Variants in SHROOM3 observed in about 807,000 individuals in gnomAD.
The protein encoded by SHROOM3 is protein Shroom3.
In SHROOM3, 47 loss-of-function variants were observed where a neutral mutation model predicts 138.6. That is an observed-to-expected ratio of 0.34 (90% CI 0.27 to 0.43). The LOEUF (loss-of-function observed/expected upper bound fraction) is 0.43, where lower values mean the gene tolerates loss of function less well. Among genes scored for constraint, SHROOM3 ranks in the 20% least tolerant of loss-of-function variants. SHROOM3 has a pLI of 1.00. For synonymous variants in SHROOM3, 1,062 were observed against 1,063.3 expected (o/e 1.00, Z 0.02); for missense variants, 2,491 against 2,596.5 (o/e 0.96, Z 0.88).
intron 1 of SHROOM3, among the ~76,000 whole-genome samples, chr4:76,547,646 A>G (rs1733251567): frequency 6.6e-6 from 1 of 152,092 alleles, no homozygotes; most frequent in African/African-American, 2.4e-5. Context: ...AATAGAGTTC[A>G]TGGCCAGGCG....
chr4:76,589,469 T>TTAAA (rs777136602), intron 2 of SHROOM3, among the ~76,000 whole-genome samples: 2 of 135,604 alleles, frequency 1.5e-5, no homozygotes, highest in African/African-American at 2.7e-5. Flanking sequence ...CTCTGTCTCA[T>TTAAA]AAAAAAAAAA....
intron 1 of SHROOM3, among the ~76,000 whole-genome samples, chr4:76,458,010 GTCTCAAT>G (rs1454580413): frequency 3.6e-4 from 54 of 151,964 alleles, no homozygotes; most frequent in Admixed American, 3.5e-3. Flanking sequence ...AGCCAGGATG[GTCTCAAT>G]CTCCTGACCT....
intron 3 of SHROOM3, among the ~76,000 whole-genome samples, chr4:76,715,658 G>A (rs968827741): frequency 3.3e-5 from 5 of 152,058 alleles, no homozygotes; most frequent in African/African-American, 9.7e-5. Context: ...TGGGGATCTC[G>A]GATCACCATG....
chr4:76,507,078 T>C (rs1183256368), intron 1 of SHROOM3, among the ~76,000 whole-genome samples: 2 of 152,068 alleles, frequency 1.3e-5, no homozygotes, highest in Admixed American at 1.3e-4. Flanking sequence ...AAAGAAAAAA[T>C]TTATAATGAA....
At position 76,639,610 on chromosome 4, in the gene SHROOM3, T is replaced by C. The variant is rs1334318815; in HGVS notation, c.324-70546T>C. 7.5e-6 allele frequency: 3 copies of C among 398,234 alleles called. No homozygotes were observed. In the East Asian group the frequency reaches 1.1e-4, roughly 14 times the overall value. 24.7% of individuals were successfully genotyped at this position (398,234 alleles called of 1,614,324 possible). A position where few individuals can be genotyped will look rare whatever the true frequency, so the allele number is the denominator to read the frequency against. On this transcript the variant is annotated intron_variant, in intron 2 of 10. Coordinates refer to ENST00000296043, the MANE Select transcript of SHROOM3 (RefSeq NM_020859.4). ...GCCTGGCTCTGATGCTTCCCAGACT[T>C]GGGACCCAAAACTCAAGAAGACAAC...
chr4:76,674,074 A>G (rs1009129787), intron 2 of SHROOM3, among the ~76,000 whole-genome samples: 2 of 151,694 alleles, frequency 1.3e-5, no homozygotes, highest in Non-Finnish European at 2.9e-5. Context: ...GGGTCTTGCT[A>G]TGTTGACCAG....
chr4:76,720,121 T>C (rs1288511041), intron 3 of SHROOM3, among the ~76,000 whole-genome samples: 1 of 151,208 alleles, frequency 6.6e-6, no homozygotes, highest in African/African-American at 2.4e-5. Flanking sequence ...ATGAGGGAAT[T>C]ATGAAAAGCC....
At chr4:76,596,624 A>ACT (rs1553926773) in intron 2 of SHROOM3, among the ~76,000 whole-genome samples, 131 of 141,600 alleles carry the variant, frequency 9.3e-4, no homozygotes, top group African/African-American at 3.0e-3. Context: ...ACACACACAC[A>ACT]CTCTCCAACA....
chr4:76,762,879 A>G (rs549775567), intron 9 of SHROOM3, among the ~76,000 whole-genome samples: 1 of 152,278 alleles, frequency 6.6e-6, no homozygotes, highest in Non-Finnish European at 1.5e-5. Context: ...GACTCAAGAG[A>G]GTAGAGTCAG....
intron 2 of SHROOM3, among the ~76,000 whole-genome samples, chr4:76,563,334 G>C (rs894530497): frequency 1.3e-5 from 2 of 152,164 alleles, no homozygotes; most frequent in Non-Finnish European, 2.9e-5. Context: ...TCTGCTAAGA[G>C]GAAATGTGGC....
chr4:76,676,805 T>G (rs1577967997), intron 2 of SHROOM3, among the ~76,000 whole-genome samples: 1 of 151,910 alleles, frequency 6.6e-6, no homozygotes, highest in Non-Finnish European at 1.5e-5. Flanking sequence ...TAGCCGGACA[T>G]GATGGCCGGC....
At chr4:76,440,068 T>TC (rs1463676253) in intron 1 of SHROOM3, among the ~76,000 whole-genome samples, 3 of 152,164 alleles carry the variant, frequency 2.0e-5, no homozygotes, top group African/African-American at 7.2e-5. Flanking sequence ...GAAAAGCAGT[T>TC]CCACCTGCAG....
intron 1 of SHROOM3, among the ~76,000 whole-genome samples, chr4:76,524,148 A>C (rs937459759): frequency 6.6e-6 from 1 of 152,112 alleles, no homozygotes; most frequent in African/African-American, 2.4e-5. Context: ...GTTTGTTTTT[A>C]TAAGAAGAGA....
At chr4:76,746,317 ATG>A (rs1721432704) in intron 5 of SHROOM3, among the ~76,000 whole-genome samples, 1 of 152,250 alleles carries the variant, frequency 6.6e-6, no homozygotes, top group Non-Finnish European at 1.5e-5. Context: ...TGGACCACAT[ATG>A]TGACAGTGGT....
At chr4:76,691,578 T>C (rs1445594291) in intron 2 of SHROOM3, among the ~76,000 whole-genome samples, 4 of 152,218 alleles carry the variant, frequency 2.6e-5, no homozygotes, top group African/African-American at 9.6e-5. Context: ...ATGATTTAAC[T>C]GCTTTCTGGG....
intron 3 of SHROOM3, chr4:76,716,139 C>T (rs1720366570): frequency 3.0e-6 from 1 of 337,118 alleles, no homozygotes; most frequent in Non-Finnish European, 5.9e-6. Context: ...ACCTTCTCTT[C>T]TTCCCTCTTA....
intron 1 of SHROOM3, among the ~76,000 whole-genome samples, chr4:76,466,080 C>G (rs1330210643): frequency 1.3e-5 from 2 of 152,164 alleles, no homozygotes; most frequent in Non-Finnish European, 2.9e-5. Flanking sequence ...TTGCTTCCTG[C>G]TTTATGTTAT....
At chr4:76,486,912 T>A (rs6829602) in intron 1 of SHROOM3, among the ~76,000 whole-genome samples, 27 of 150,258 alleles carry the variant, frequency 1.8e-4, no homozygotes, top group African/African-American at 6.1e-4. Flanking sequence ...AAGGCAACTT[T>A]AAAAAAAAAA....
chr4:76,743,833 C>T (rs996007661), intron 5 of SHROOM3, among the ~76,000 whole-genome samples: 1 of 152,250 alleles, frequency 6.6e-6, no homozygotes, highest in Non-Finnish European at 1.5e-5. Flanking sequence ...TTCCCACTCC[C>T]TATCCTACCA....
Sources: allele counts gnomAD v4.1 joint callset (sites outside exome capture counted in the v4.1 genomes callset), GRCh38; gene constraint gnomAD v4.1.1; transcripts MANE v1.5; gene names NCBI Gene and HGNC (gene_info 2026-07-23, HGNC 2026-07-21).